The following ERP44 variants were observed in gnomAD, a reference collection of about 807,000 sequenced individuals.
ERP44 encodes the protein endoplasmic reticulum protein 44, also known as endoplasmic reticulum resident protein 44.
ERP44 carries 25 observed loss-of-function variants against 53.4 expected under a neutral mutation model. The ratio of observed to expected loss-of-function variants is 0.47; its 90% CI spans 0.34 to 0.65. ERP44 has a LOEUF of 0.65. Ranked by LOEUF, ERP44 falls within the 30% of genes least tolerant of loss-of-function variation. ERP44 has a pLI of 0.01. For synonymous variants in ERP44, 145 were observed against 161.2 expected (o/e 0.90, Z 0.76); for missense variants, 338 against 493.2 (o/e 0.69, Z 2.98).
chr9:100,017,705 G>C lies in ERP44; in HGVS notation c.645+551C>G, dbSNP rs370291882. 4.1e-4 allele frequency among the ~76,000 whole-genome samples: 62 copies of C among 152,112 alleles called. No individual in the cohort carries two copies. The South Asian group carries it at 0.012, about 31-fold the overall frequency. On this transcript the variant is annotated intron_variant, in intron 7 of 11. Coordinates refer to ENST00000262455, the MANE Select transcript of ERP44 (RefSeq NM_015051.3). ...TGTAAAAAAAATTGCAATGGCAGAC[G>C]CTTGGTGAATTTGGGATAACATGTG...
intron 1 of ERP44, among the ~76,000 whole-genome samples, chr9:100,082,734 G>C (rs148002360): frequency 7.2e-6 from 1 of 139,006 alleles, no homozygotes; most frequent in Non-Finnish European, 1.5e-5. Flanking sequence ...AAACTTGCCA[G>C]ATATGGAGGG....
intron 2 of ERP44, 126 bp from the exon 3 acceptor site, chr9:100,057,985 C>T (rs1057230020): frequency 2.9e-6 from 2 of 696,070 alleles, no homozygotes; most frequent in Non-Finnish European, 2.5e-6. Flanking sequence ...ACTATTATCT[C>T]TCACTCAGAA....
intron 2 of ERP44, among the ~76,000 whole-genome samples, chr9:100,058,090 T>A (rs1169364199): frequency 2.6e-5 from 4 of 152,186 alleles, no homozygotes; most frequent in African/African-American, 9.7e-5. Context: ...TCTTTTATTT[T>A]ATGGAGACTG....
intron 8 of ERP44, among the ~76,000 whole-genome samples, chr9:100,011,061 AT>A (rs1207127748): frequency 1.3e-5 from 2 of 152,178 alleles, no homozygotes; most frequent in Non-Finnish European, 2.9e-5. Context: ...TATTTTTTAA[AT>A]GTTTACTTCC....
intron 4 of ERP44, among the ~76,000 whole-genome samples, chr9:100,033,332 G>A (rs112048705): frequency 2.6e-5 from 4 of 152,272 alleles, no homozygotes; most frequent in African/African-American, 9.6e-5. Context: ...CACAGTCCCT[G>A]TACATGGTTT....
chr9:100,021,369 G>A (rs1830586781), intron 5 of ERP44, among the ~76,000 whole-genome samples: 1 of 152,186 alleles, frequency 6.6e-6, no homozygotes, highest in East Asian at 1.9e-4. Context: ...TGGAGGGCAA[G>A]GAAACAAATG....
At chr9:99,993,986 A>G (rs1179000545) in intron 10 of ERP44, among the ~76,000 whole-genome samples, 1 of 152,234 alleles carries the variant, frequency 6.6e-6, no homozygotes, top group East Asian at 1.9e-4. Context: ...AATGGCAATC[A>G]TTAAGTCAGG....
In ERP44 at chr9:100,022,265, G is replaced by A. The variant is rs776008342; in HGVS notation, c.287-39C>T. 17 of 1,554,964 alleles carry A rather than the reference G, an allele frequency of 1.1e-5. No homozygotes were observed. In the Admixed American group the frequency reaches 3.2e-4, roughly 29 times the overall value. On this transcript the variant is annotated intron_variant, in intron 4 of 11. Transcript: ENST00000262455. The stretch of plus-strand genomic sequence containing the variant: ...AAAAAATTATTTACCCTCATATGTA[G>A]TCAGGGCAAGCCTGTTTGCCTAATG...
intron 1 of ERP44, among the ~76,000 whole-genome samples, chr9:100,064,587 C>A (rs1826189785): frequency 6.6e-6 from 1 of 152,204 alleles, no homozygotes; most frequent in Non-Finnish European, 1.5e-5. Context: ...TACATCACTA[C>A]TTAACAGTTG....
intron 10 of ERP44, among the ~76,000 whole-genome samples, chr9:100,000,224 GC>G (rs1830362134): frequency 6.6e-6 from 1 of 151,946 alleles, no homozygotes; most frequent in African/African-American, 2.4e-5. Context: ...TTCAGGCCAG[GC>G]CAGGAGCTTG....
intron 1 of ERP44, among the ~76,000 whole-genome samples, chr9:100,066,233 C>T (rs1826208484): frequency 6.6e-6 from 1 of 152,188 alleles, no homozygotes; most frequent in Non-Finnish European, 1.5e-5. Context: ...ACAAGTAAGA[C>T]TCATCTGTGA....
intron 4 of ERP44, among the ~76,000 whole-genome samples, chr9:100,040,138 AAAG>A (rs1323370691): frequency 6.6e-6 from 1 of 152,220 alleles, no homozygotes. Flanking sequence ...TCCAAAAAAC[AAAG>A]GAGGAGGGAA....
rs2118656304 is a variant in ERP44, at chr9:100,022,186, G to T, written c.327C>A (p.Thr109=). 1 of 1,613,362 alleles carries T rather than the reference G, an allele frequency of 6.2e-7. No homozygotes were observed. The highest frequency in any genetic ancestry group is 8.5e-7 in the Non-Finnish European group (1 of 1,179,708). ...TCATCCCATTACGAAACAATTTGAG[G>T]GTTGGGTATTTGCTTATCCTGTATC... is the stretch of plus-strand genomic sequence containing the variant. ...AQRYRISKYP[T]LKLFRNGMMM... Residue 109 remains threonine (T), a synonymous_variant, in exon 5 of 12, where the codon ACC becomes ACA. Transcript: ENST00000262455.
At chr9:99,990,081 C>A (rs1830237368) in intron 10 of ERP44, among the ~76,000 whole-genome samples, 1 of 152,170 alleles carries the variant, frequency 6.6e-6, no homozygotes, top group Non-Finnish European at 1.5e-5. Flanking sequence ...TGGAACCAGG[C>A]TGGAAAACAC....
chr9:100,060,050 A>G, intron 2 of ERP44, 50 bp downstream of exon 2: 1 of 1,316,890 alleles, frequency 7.6e-7, no homozygotes, highest in Non-Finnish European at 9.8e-7. Context: ...ATATAAACTA[A>G]CTCTCTATAG....
intron 4 of ERP44, among the ~76,000 whole-genome samples, chr9:100,039,225 C>G (rs1825876964): frequency 6.6e-6 from 1 of 152,174 alleles, no homozygotes; most frequent in Non-Finnish European, 1.5e-5. Context: ...CCAATGGCTG[C>G]CGAATACACA....
chr9:100,019,894 G>C (rs1047291260), intron 6 of ERP44, among the ~76,000 whole-genome samples: 3 of 152,144 alleles, frequency 2.0e-5, no homozygotes, highest in African/African-American at 7.2e-5. Context: ...GTGAAAGTTA[G>C]CTTCCAAAAG....
chr9:99,998,405 G>T (rs1185732588), intron 10 of ERP44: 27 of 634,544 alleles, frequency 4.3e-5, no homozygotes, highest in Non-Finnish European at 6.6e-5. Context: ...CAGCTGCAAG[G>T]CCGGCCGGTC....
In ERP44 at chr9:100,060,124, T is replaced by G; in HGVS notation, c.106A>C (p.Thr36Pro). The G allele has an allele frequency of 6.7e-7, 1 of 1,498,388 alleles. No homozygotes were observed. The highest frequency in any genetic ancestry group is 8.9e-7 in the Non-Finnish European group (1 of 1,125,622). 92.8% of individuals were successfully genotyped at this position (1,498,388 alleles called of 1,614,324 possible). The change falls in exon 2 of 12, where the codon ACA becomes CCA. Residue 36 changes from threonine (T) to proline (P), a missense_variant. Thr to Pro is a conservative substitution (Grantham distance 38). Coordinates refer to ENST00000262455, the MANE Select transcript of ERP44 (RefSeq NM_015051.3). ...CTTAAAATTTCATCTATATTCTCTG[T>G]ATCAAGACTTGTTATTTCAGTTGTT... is the stretch of plus-strand genomic sequence containing the variant. ...PVTTEITSLD[T>P]ENIDEILNNA...
Sources: gnomAD v4.1 joint callset for allele counts (sites outside exome capture counted in the v4.1 genomes callset) on GRCh38, gnomAD v4.1.1 for gene constraint, MANE v1.5 for transcripts, NCBI Gene and HGNC (gene_info 2026-07-23, HGNC 2026-07-21) for gene names.